The following ARID4B variants were observed in gnomAD, a reference collection of about 807,000 sequenced individuals.
ARID4B encodes the protein AT-rich interaction domain 4B.
A neutral mutation model predicts 147.5 loss-of-function variants in ARID4B; 26 were observed. That is an observed-to-expected ratio of 0.18 (90% CI 0.13 to 0.24). The LOEUF (loss-of-function observed/expected upper bound fraction) is 0.24. Among genes scored for constraint, ARID4B ranks in the 10% least tolerant of loss-of-function variants. ARID4B has a pLI of 1.00. For missense variants in ARID4B, 1,179 were observed against 1,511.5 expected, an observed-to-expected ratio of 0.78 and a Z score of 3.65; for synonymous variants, 512 against 507.9, an observed-to-expected ratio of 1.01 and a Z score of -0.11.
At chr1:235,299,926 T>C (rs1372187315) in intron 2 of ARID4B, among the ~76,000 whole-genome samples, 1 of 152,214 alleles carries the variant, frequency 6.6e-6, no homozygotes, top group Non-Finnish European at 1.5e-5. Context: ...CTTTTTATTG[T>C]CACAGAAGTA....
Position 235,260,576 on chromosome 1 carries a change from T to G in ARID4B, c.117+66A>C, listed in dbSNP as rs76136838. On this transcript the variant is annotated intron_variant, in intron 3 of 23. Transcript: ENST00000264183. ...TTTTGCAGAAAAATCTTAAATACAC[T>G]CACCAAATAAAAGTTTACATATCAA... The G allele has an allele frequency of 1.4e-3, 1,694 of 1,213,734 alleles. 21 individuals carry two copies. The African/African-American group carries it at 0.023, about 17-fold the overall frequency. The allele number at this position is 1,213,734 out of a possible 1,614,324, so 75.2% of individuals were successfully genotyped here.
intron 17 of ARID4B, among the ~76,000 whole-genome samples, chr1:235,205,822 C>T (rs1240502750): frequency 2.6e-5 from 4 of 151,970 alleles, no homozygotes; most frequent in African/African-American, 9.7e-5. Flanking sequence ...TAGGAAAATG[C>T]AAATCAAAAA....
chr1:235,212,586 G>A lies in ARID4B; in HGVS notation c.1841+1183C>T, dbSNP rs187710343. 7.5e-4 allele frequency among the ~76,000 whole-genome samples: 114 copies of A among 152,034 alleles called. 2 individuals carry two copies. Among genetic ancestry groups the A allele is most frequent in the Admixed American group, 4.1e-3 (63 of 15,258 alleles). ...ATCATGAGCTTCCTATTACACAACA[G>A]GACAACAAAAAATTTAAGAAACAGA... is the stretch of plus-strand genomic sequence containing the variant. On this transcript the variant is annotated intron_variant, in intron 17 of 23. Transcript: ENST00000264183.
chr1:235,201,131 C>T (rs1253665718), intron 17 of ARID4B, among the ~76,000 whole-genome samples: 1 of 151,708 alleles, frequency 6.6e-6, no homozygotes, highest in Admixed American at 6.6e-5. Flanking sequence ...GGTGACACAG[C>T]GAGACTCTGT....
chr1:235,298,843 C>A (rs540196382), intron 2 of ARID4B, among the ~76,000 whole-genome samples: 57 of 152,212 alleles, frequency 3.7e-4, no homozygotes, highest in African/African-American at 1.3e-3. Context: ...GGGAACCAAA[C>A]CATACTGTTA....
chr1:235,223,142 T>G (rs550767458), intron 13 of ARID4B, 24 bp downstream of exon 13: 1 of 1,445,758 alleles, frequency 6.9e-7, no homozygotes, highest in Non-Finnish European at 9.6e-7. Context: ...GAAAAAGATG[T>G]TTCAGTTTGA....
chr1:235,240,760 C>T (rs951410072), intron 7 of ARID4B, among the ~76,000 whole-genome samples: 1 of 152,044 alleles, frequency 6.6e-6, no homozygotes, highest in East Asian at 1.9e-4. Flanking sequence ...TATTAAACAT[C>T]CCAGTATTAC....
chr1:235,274,476 G>C (rs1418508515), intron 2 of ARID4B, among the ~76,000 whole-genome samples: 1 of 152,112 alleles, frequency 6.6e-6, no homozygotes, highest in Non-Finnish European at 1.5e-5. Context: ...AAATGACCCA[G>C]AAAATGTTTA....
At chr1:235,203,298 A>G (rs957785675) in intron 17 of ARID4B, among the ~76,000 whole-genome samples, 1 of 152,220 alleles carries the variant, frequency 6.6e-6, no homozygotes, top group Non-Finnish European at 1.5e-5. Context: ...TTAGTCGACC[A>G]GATATACTAC....
intron 8 of ARID4B, among the ~76,000 whole-genome samples, chr1:235,238,004 G>C (rs1245345283): frequency 6.6e-6 from 1 of 151,872 alleles, no homozygotes; most frequent in Non-Finnish European, 1.5e-5. Context: ...TACAAAATTA[G>C]CCGGGCATGG....
intron 19 of ARID4B, among the ~76,000 whole-genome samples, chr1:235,191,548 G>GC (rs2102951751): frequency 6.6e-6 from 1 of 152,132 alleles, no homozygotes; most frequent in African/African-American, 2.4e-5. Context: ...GAGCTACTAT[G>GC]CCCAGCCAAA....
At chr1:235,293,012 C>A (rs1672439492) in intron 2 of ARID4B, among the ~76,000 whole-genome samples, 2 of 152,162 alleles carry the variant, frequency 1.3e-5, no homozygotes, top group Non-Finnish European at 2.9e-5. Flanking sequence ...TCCTGTAGAG[C>A]CAGACTACTC....
chr1:235,234,480 C>A lies in ARID4B; in HGVS notation c.598G>T (p.Asp200Tyr). The A allele has an allele frequency of 1.2e-6, 2 of 1,603,700 alleles. No homozygotes were observed. Among genetic ancestry groups the A allele is most frequent in the South Asian group, 2.2e-5 (2 of 89,996 alleles). The change falls in exon 9 of 24, where the codon GAT (aspartate) becomes TAT (tyrosine). Residue 200 changes from aspartate (D) to tyrosine (Y), a missense_variant. This residue lies in a region of ARID4B where 159 missense variants were observed against 190.5 expected (regional missense o/e 0.83). Transcript: ENST00000264183. Reference sequence around the variant, plus strand: ...TTTACAGCAATCTCATCACTACAATCAGGACAAACCACCTTTTAAGAAAAA... The same window carrying A: ...TTTACAGCAATCTCATCACTACAATAAGGACAAACCACCTTTTAAGAAAAA... ...LWFPALVVCPDCSDEIAVKKD... is the reference protein window; with the variant it reads ...LWFPALVVCPYCSDEIAVKKD...
At chr1:235,227,626 C>A (rs1475816040) in intron 11 of ARID4B, among the ~76,000 whole-genome samples, 1 of 152,080 alleles carries the variant, frequency 6.6e-6, no homozygotes. Flanking sequence ...TTAACTTTTA[C>A]GAGGCTGTTC....
intron 2 of ARID4B, among the ~76,000 whole-genome samples, chr1:235,277,549 AAAT>A (rs1553309718): frequency 6.9e-6 from 1 of 144,046 alleles, no homozygotes; most frequent in African/African-American, 2.7e-5. Flanking sequence ...AAAAAAAAAA[AAAT>A]AATAATAATA....
chr1:235,293,169 G>T (rs576825361), intron 2 of ARID4B, among the ~76,000 whole-genome samples: 1 of 152,258 alleles, frequency 6.6e-6, no homozygotes, highest in South Asian at 2.1e-4. Flanking sequence ...GCTATCCTCA[G>T]TACCGAAGCG....
At chr1:235,248,350 G>A (rs1053895884) in intron 6 of ARID4B, among the ~76,000 whole-genome samples, 2 of 151,954 alleles carry the variant, frequency 1.3e-5, no homozygotes, top group East Asian at 1.9e-4. Flanking sequence ...ACACCCACCC[G>A]GAAAATCTAG....
intron 2 of ARID4B, among the ~76,000 whole-genome samples, chr1:235,294,153 A>G (rs1417373428): frequency 6.6e-6 from 1 of 152,056 alleles, no homozygotes; most frequent in Admixed American, 6.6e-5. Flanking sequence ...ATCTAGTACC[A>G]CCTGGCCACC....
intron 2 of ARID4B, among the ~76,000 whole-genome samples, chr1:235,310,185 A>T (rs1016004797): frequency 1.1e-4 from 17 of 151,332 alleles, no homozygotes; most frequent in Admixed American, 2.6e-4. Context: ...AAAAAAAAAT[A>T]AAAAAAAAGA....
Sources: gnomAD v4.1 joint callset for allele counts (sites outside exome capture counted in the v4.1 genomes callset) on GRCh38, gnomAD v4.1.1 for gene constraint, gnomAD v4.1.1 regional missense constraint, MANE v1.5 for transcripts, NCBI Gene and HGNC (gene_info 2026-07-23, HGNC 2026-07-21) for gene names.